The following TAMM41 variants were observed in gnomAD, a reference collection of about 807,000 sequenced individuals.
The protein encoded by TAMM41 is TAM41 mitochondrial translocator assembly and maintenance homolog.
A neutral mutation model predicts 44.1 loss-of-function variants in TAMM41; 36 were observed. That is an observed-to-expected ratio of 0.82 (90% CI 0.63 to 1.08). TAMM41 has a LOEUF of 1.08. TAMM41 is among the 50% of genes least tolerant of loss of function. The pLI, the probability that TAMM41 is intolerant of heterozygous loss-of-function variation, is 0.00. For synonymous variants in TAMM41, 164 were observed against 153.1 expected, an observed-to-expected ratio of 1.07 and a Z score of -0.53; for missense variants, 417 against 404.3, an observed-to-expected ratio of 1.03 and a Z score of -0.27.
the TAMM41 span, among the ~76,000 whole-genome samples, chr3:11,785,222 G>A: frequency 3.3e-5 from 5 of 152,180 alleles, no homozygotes; most frequent in Non-Finnish European, 5.9e-5. Context: ...GCTGATTGGA[G>A]ACCGTGGTGT....
chr3:11,805,939 G>A (rs537943853), intron 7 of TAMM41, among the ~76,000 whole-genome samples: 2 of 152,264 alleles, frequency 1.3e-5, no homozygotes, highest in African/African-American at 2.4e-5. Flanking sequence ...ATTGAATCAC[G>A]AAGGCAGGTC....
chr3:11,782,366 T>C, the TAMM41 span, among the ~76,000 whole-genome samples: 4 of 151,936 alleles, frequency 2.6e-5, no homozygotes, highest in African/African-American at 9.7e-5. Flanking sequence ...GGCAACATGG[T>C]GAAACCCCAT....
At chr3:11,814,163 G>A (rs1378979753) in intron 5 of TAMM41, among the ~76,000 whole-genome samples, 1 of 151,736 alleles carries the variant, frequency 6.6e-6, no homozygotes, top group Admixed American at 6.6e-5. Context: ...AGGTGACAGA[G>A]TGAAATCCCC....
At chr3:11,746,770 G>A in the TAMM41 span, among the ~76,000 whole-genome samples, 5 of 151,684 alleles carry the variant, frequency 3.3e-5, no homozygotes, top group Non-Finnish European at 5.9e-5. Context: ...GAGTAGCCGG[G>A]ACTACAGGTG....
intron 4 of TAMM41, 22 bp downstream of exon 4, chr3:11,829,692 T>C (rs1321455753): frequency 6.2e-7 from 1 of 1,613,044 alleles, no homozygotes; most frequent in African/African-American, 1.3e-5. Context: ...TTGTAGAACA[T>C]CTGGGCAGCA....
chr3:11,840,410 T>C (rs1365967996), intron 2 of TAMM41, among the ~76,000 whole-genome samples: 1 of 152,042 alleles, frequency 6.6e-6, no homozygotes, highest in East Asian at 1.9e-4. Flanking sequence ...TTTTTTGCTA[T>C]TTTTAGTACA....
At chr3:11,747,120 T>C in the TAMM41 span, among the ~76,000 whole-genome samples, 1 of 151,946 alleles carries the variant, frequency 6.6e-6, no homozygotes, top group Admixed American at 6.6e-5. Flanking sequence ...TGGAGTGTAG[T>C]GGTGTAATCT....
In TAMM41 at chr3:11,846,749, A is replaced by T. The variant is rs567156439; in HGVS notation, c.-113T>A. On this transcript the variant is annotated 5_prime_UTR_variant, in exon 1 of 8. Transcript: ENST00000455809. ...GAAATGGAAGTCGGAGACTGGATCG[A>T]GGGACACAAGGCTGAGTGTGGGGTG... 13 of 1,364,640 alleles carry T rather than the reference A, an allele frequency of 9.5e-6. No homozygotes were observed. Among genetic ancestry groups the T allele is most frequent in the Non-Finnish European group, 1.3e-5 (13 of 983,034 alleles). The allele number at this position is 1,364,640 out of a possible 1,614,324, so 84.5% of individuals were successfully genotyped here. A position where few individuals can be genotyped will look rare whatever the true frequency, so the allele number is the denominator to read the frequency against.
At chr3:11,753,432 CA>C in the TAMM41 span, among the ~76,000 whole-genome samples, 1 of 150,504 alleles carries the variant, frequency 6.6e-6, no homozygotes, top group Non-Finnish European at 1.5e-5. Context: ...AGACTGTATC[CA>C]AAAAATATAG....
At chr3:11,810,390 G>A (rs1323576186) in intron 5 of TAMM41, among the ~76,000 whole-genome samples, 1 of 152,170 alleles carries the variant, frequency 6.6e-6, no homozygotes, top group African/African-American at 2.4e-5. Flanking sequence ...GTAAAACTAT[G>A]TGTCAGACTT....
At chr3:11,776,170 C>T in the TAMM41 span, among the ~76,000 whole-genome samples, 6 of 151,502 alleles carry the variant, frequency 4.0e-5, no homozygotes, top group East Asian at 1.9e-4. Context: ...CCCGCCACCA[C>T]GCCCGGCTAA....
chr3:11,839,217 C>G lies in TAMM41; in HGVS notation c.411+5G>C, dbSNP rs778857938. The G allele has an allele frequency of 3.7e-6, 6 of 1,605,228 alleles. No individual in the cohort carries two copies. In the Admixed American group the frequency reaches 1.0e-4, roughly 27 times the overall value. On this transcript the variant is annotated splice_donor_5th_base_variant and intron_variant, in intron 3 of 7. Coordinates refer to ENST00000455809, the MANE Select transcript of TAMM41 (RefSeq NM_001284401.2). ...CCTTAACTGTGCAGCCTATAAAACA[C>G]TCACCGGTTTTTGGAGTCGTCCAGC... is the stretch of plus-strand genomic sequence containing the variant.
In TAMM41 at chr3:11,790,466, T is replaced by C; in HGVS notation, c.*39A>G. On this transcript the variant is annotated 3_prime_UTR_variant, in exon 8 of 8. Transcript: ENST00000455809. ...GTTCTGTCAAAAAGGATCAAACACT[T>C]TATTCATCTACACATAACATATATA... is the stretch of plus-strand genomic sequence containing the variant. 1 of 1,535,824 alleles carries C rather than the reference T, an allele frequency of 6.5e-7. No individual in the cohort carries two copies.
intron 3 of TAMM41, among the ~76,000 whole-genome samples, chr3:11,836,859 T>C (rs1323021941): frequency 6.6e-6 from 1 of 152,280 alleles, no homozygotes; most frequent in African/African-American, 2.4e-5. Flanking sequence ...TGCTCAGTTA[T>C]GAGCTTTACT....
intron 5 of TAMM41, among the ~76,000 whole-genome samples, chr3:11,814,531 A>G (rs186667348): frequency 6.6e-6 from 1 of 152,284 alleles, no homozygotes; most frequent in East Asian, 1.9e-4. Flanking sequence ...AAAGGAAAAA[A>G]GGTTAAACCA....
intron 4 of TAMM41, chr3:11,826,896 CT>C (rs2125020895): frequency 6.6e-6 from 1 of 152,248 alleles, no homozygotes; most frequent in East Asian, 1.9e-4. Flanking sequence ...GAGAGTAGTC[CT>C]TGGCACCCAA....
At position 11,846,511 on chromosome 3, in the gene TAMM41, TG is replaced by T; in HGVS notation, c.125del (p.Ser42Ter). 1 of 1,614,188 alleles carries T rather than the reference TG, an allele frequency of 6.2e-7. No individual in the cohort carries two copies. Among genetic ancestry groups the T allele is most frequent in the Non-Finnish European group, 8.5e-7 (1 of 1,180,036 alleles). The stretch of plus-strand genomic sequence containing the variant: ...GGCTGCCCGGGCTCACCTTCTGGTC[TG>T]AACTCGGCCCTGCCTGGCGGTACAC... ...SGVYRQAGPS[S>X]DQKNAMLDFV... On this transcript the variant is annotated frameshift_variant, in exon 1 of 8. Transcript: ENST00000455809. LOFTEE classifies it high-confidence loss of function.
the TAMM41 span, among the ~76,000 whole-genome samples, chr3:11,776,493 G>C: frequency 3.9e-5 from 6 of 152,166 alleles, no homozygotes; most frequent in Middle Eastern, 3.4e-3. Flanking sequence ...TAGACACACA[G>C]TGCTCACCAC....
At chr3:11,750,427 G>A in the TAMM41 span, among the ~76,000 whole-genome samples, 1 of 152,008 alleles carries the variant, frequency 6.6e-6, no homozygotes, top group African/African-American at 2.4e-5. Flanking sequence ...TCCTGCCTAA[G>A]CTTCTTGAGT....
Sources: allele counts gnomAD v4.1 joint callset (sites outside exome capture counted in the v4.1 genomes callset), GRCh38; gene constraint gnomAD v4.1.1; transcripts MANE v1.5; gene names NCBI Gene and HGNC (gene_info 2026-07-23, HGNC 2026-07-21).